MX1: variants seen among roughly 807,000 people sequenced by gnomAD.
MX1 encodes the protein MX dynamin like GTPase 1, also known as interferon-induced GTP-binding protein Mx1.
Under a neutral mutation model 66.4 loss-of-function variants are expected in MX1, and 66 were observed. The observed-to-expected ratio is 0.99, with a 90% CI of 0.82 to 1.22. MX1 has a LOEUF of 1.22. Among genes scored for constraint, MX1 ranks in the 50% most tolerant of loss-of-function variants. The pLI is 0.00. For synonymous variants in MX1, 311 were observed against 318.1 expected (o/e 0.98, Z 0.24); for missense variants, 787 against 834.3 (o/e 0.94, Z 0.70).
At chr21:41,425,313 C>T (rs1004593267), upstream of MX1, among the ~76,000 whole-genome samples, 8 of 152,096 alleles carry the variant, frequency 5.3e-5, no homozygotes, top group Admixed American at 3.9e-4. Context: ...GGGGGTTGTT[C>T]TCTGGTGGGC....
chr21:41,424,226 AGTGTGTGTGTGTGTGTGT>A (rs3037030), upstream of MX1, among the ~76,000 whole-genome samples: 5 of 146,216 alleles, frequency 3.4e-5, no homozygotes, highest in Admixed American at 2.7e-4. Context: ...AGAGGGGTTG[AGTGTGTGTGTGTGTGTGT>A]GTGTGTGTGT....
At chr21:41,428,542 G>A (rs1429227002) in intron 3 of MX1, 2 of 152,232 alleles carry the variant, frequency 1.3e-5, no homozygotes, top group South Asian at 2.1e-4. Context: ...TCAGGAATAA[G>A]CTTTCAGAAA....
intron 16 of MX1, among the ~76,000 whole-genome samples, chr21:41,453,960 T>C (rs1213757717): frequency 6.6e-6 from 1 of 152,192 alleles, no homozygotes; most frequent in African/African-American, 2.4e-5. Context: ...GTAGCAGCCT[T>C]CAGAGAGAAT....
At chr21:41,445,330 A>T in intron 11 of MX1, 118 bp from the exon 12 acceptor site, 1 of 1,252,458 alleles carries the variant, frequency 8.0e-7, no homozygotes, top group Non-Finnish European at 1.1e-6. Flanking sequence ...TTCCTTTTAG[A>T]GGAAGCCAGG....
At chr21:41,455,039 TG>T (rs2090926292) in intron 16 of MX1, among the ~76,000 whole-genome samples, 1 of 152,064 alleles carries the variant, frequency 6.6e-6, no homozygotes, top group African/African-American at 2.4e-5. Context: ...CCCAAGTAGC[TG>T]GGATTACAGG....
chr21:41,448,734 A>C (rs950116830), intron 13 of MX1, among the ~76,000 whole-genome samples: 4 of 152,072 alleles, frequency 2.6e-5, no homozygotes, highest in Non-Finnish European at 4.4e-5. Context: ...TGAACCCGGG[A>C]GGCAGAGCTT....
rs1025675290 is a variant in MX1, at chr21:41,421,075, G to C, written c.-723+258G>C. On this transcript the variant is annotated intron_variant, in intron 1 of 18. Transcript: ENST00000398600. ...TTTGTGGGTGTTTCTCCGAGAGGGG[G>C]ATGTGTCAGGGTCACAAGACAATAG... 2.6e-5 allele frequency among the ~76,000 whole-genome samples: 4 copies of C among 152,364 alleles called. No individual in the cohort carries two copies. The East Asian group carries it at 7.7e-4, about 29-fold the overall frequency.
At chr21:41,429,980 T>G (rs1463173428) in intron 3 of MX1, 1 of 150,862 alleles carries the variant, frequency 6.6e-6, no homozygotes, top group Non-Finnish European at 1.5e-5. Context: ...GCCCTGGAAG[T>G]GTATAAACCC....
chr21:41,426,195 G>A (rs866239531), upstream of MX1: 1 of 157,848 alleles, frequency 6.3e-6, no homozygotes. Context: ...GGCGCGGGGC[G>A]GGGCTGGGCG....
intron 11 of MX1, 44 bp downstream of exon 11, chr21:41,443,910 G>T: frequency 6.4e-7 from 1 of 1,568,444 alleles, no homozygotes; most frequent in South Asian, 1.1e-5. Flanking sequence ...AGAATACTAC[G>T]ACCGCAGAGC....
In MX1 at chr21:41,441,761, A is replaced by G; in HGVS notation, c.776A>G (p.Lys259Arg). 6.2e-7 allele frequency: 1 copy of G among 1,614,204 alleles called. No individual in the cohort carries two copies. Among genetic ancestry groups the G allele is most frequent in the Non-Finnish European group, 8.5e-7 (1 of 1,180,034 alleles). The change falls in exon 10 of 17, where the codon AAG becomes AGG. Residue 259 changes from lysine to arginine, a missense_variant. Physicochemically the swap from Lys to Arg is conservative, Grantham distance 26. Transcript: ENST00000398598. This position sits in a 1 kb window ranked among gnomAD's most constrained non-coding sequence, Gnocchi z 4.0. ...CTGGTGGACAAAGGAACTGAAGACA[A>G]GGTTGTGGACGTGGTGCGGAACCTC... is the stretch of plus-strand genomic sequence containing the variant. Reference protein sequence around the residue: ...PDLVDKGTEDKVVDVVRNLVF... With the variant: ...PDLVDKGTEDRVVDVVRNLVF...
At chr21:41,435,314 G>A (rs763020805) in intron 5 of MX1, among the ~76,000 whole-genome samples, 1 of 152,166 alleles carries the variant, frequency 6.6e-6, no homozygotes, top group Non-Finnish European at 1.5e-5. Context: ...TTAAGTTTGA[G>A]GGAATTGTAT....
upstream of MX1, among the ~76,000 whole-genome samples, chr21:41,423,990 T>C (rs188120729): frequency 1.5e-4 from 23 of 152,226 alleles, no homozygotes; most frequent in East Asian, 4.4e-3. Context: ...TGCAGCTCTT[T>C]CTGATTTTGT....
intron 5 of MX1, among the ~76,000 whole-genome samples, chr21:41,432,941 A>ATTT (rs1193157471): frequency 2.6e-5 from 4 of 152,200 alleles, no homozygotes; most frequent in African/African-American, 9.7e-5. Flanking sequence ...CCCTGATACC[A>ATTT]CCGTTTACAT....
At chr21:41,445,604 C>G in intron 12 of MX1, 34 bp downstream of exon 12, 2 of 1,612,916 alleles carry the variant, frequency 1.2e-6, no homozygotes, top group Non-Finnish European at 1.7e-6. Context: ...GCTGGAGAAG[C>G]ACATGTCATG....
Position 41,440,811 on chromosome 21 carries a change from T to G in MX1, c.592-76T>G. The stretch of plus-strand genomic sequence containing the variant: ...TGGGACTCTTAGGGCCTAAAGCAAG[T>G]GCAAGGTCAGGACTTGTCTCACCTC... On this transcript the variant is annotated intron_variant, in intron 8 of 16. Transcript: ENST00000398598. The G allele has an allele frequency of 1.7e-5, 26 of 1,571,648 alleles. 1 individual carries two copies. In the South Asian group the frequency reaches 2.9e-4, roughly 17 times the overall value.
At position 41,440,972 on chromosome 21, in the gene MX1, C is replaced by T; in HGVS notation, c.677C>T (p.Thr226Ile). The T allele has an allele frequency of 6.2e-7, 1 of 1,614,230 alleles. No individual in the cohort carries two copies. The highest frequency in any genetic ancestry group is 8.5e-7 in the Non-Finnish European group (1 of 1,180,042). Residue 226 changes from threonine (T) to isoleucine (I), a missense_variant, in exon 9 of 17, where the codon ACA (threonine) becomes ATA (isoleucine). Coordinates refer to ENST00000398598, the MANE Select transcript of MX1 (RefSeq NM_002462.5). ...CCCAGTAATGTGGACATCGCCACCA[C>T]AGAGGCTCTCAGCATGGCCCAGGAG... is the stretch of plus-strand genomic sequence containing the variant. ...VVPSNVDIAT[T>I]EALSMAQEVD... is the part of the protein sequence containing the mutation.
Position 41,443,485 on chromosome 21 carries a change from A to G in MX1, c.930-303A>G, listed in dbSNP as rs999154655. ...ATAGAAGGGGGTATGTGTTATAAAAACATATCTATACATGTCTGTGTATTT... is the reference window on the plus strand; with the variant it reads ...ATAGAAGGGGGTATGTGTTATAAAAGCATATCTATACATGTCTGTGTATTT... On this transcript the variant is annotated intron_variant, in intron 10 of 16. Coordinates refer to ENST00000398598, the MANE Select transcript of MX1 (RefSeq NM_002462.5). 1.3e-4 allele frequency: 47 copies of G among 358,214 alleles called. 1 individual carries two copies. The Admixed American group carries it at 2.0e-3, about 15-fold the overall frequency. The allele number at this position is 358,214 out of a possible 1,614,324, so 22.2% of individuals were successfully genotyped here.
At chr21:41,423,704 G>A (rs879685911), upstream of MX1, among the ~76,000 whole-genome samples, 4 of 152,096 alleles carry the variant, frequency 2.6e-5, no homozygotes, top group Non-Finnish European at 4.4e-5. Context: ...AGCTATTATT[G>A]TATGACTGAC....
Sources: allele counts gnomAD v4.1 joint callset (sites outside exome capture counted in the v4.1 genomes callset), GRCh38; gene constraint gnomAD v4.1.1; non-coding constraint Gnocchi (gnomAD v3.1); transcripts MANE v1.5; gene names NCBI Gene and HGNC (gene_info 2026-07-23, HGNC 2026-07-21).